CDK6: variants seen among roughly 807,000 people sequenced by gnomAD.
CDK6 encodes cyclin-dependent kinase 6.
CDK6 carries 6 observed loss-of-function variants against 37.1 expected under a neutral mutation model. That is an observed-to-expected ratio of 0.16 (90% confidence interval 0.09 to 0.32). The LOEUF is 0.32. CDK6 is among the 10% of genes least tolerant of loss of function. The pLI, the probability that CDK6 is intolerant of heterozygous loss-of-function variation, is 1.00. For missense variants in CDK6, 224 were observed against 418.9 expected, an observed-to-expected ratio of 0.53 and a Z score of 4.06; for synonymous variants, 160 against 161.3, an observed-to-expected ratio of 0.99 and a Z score of 0.06.
intron 4 of CDK6, among the ~76,000 whole-genome samples, chr7:92,701,513 C>T (rs1285140934): frequency 6.6e-6 from 1 of 151,858 alleles, no homozygotes; most frequent in Non-Finnish European, 1.5e-5. Context: ...TCAGGCCATT[C>T]TCCTGCCTCA....
intron 4 of CDK6, among the ~76,000 whole-genome samples, chr7:92,721,493 C>T (rs1396874655): frequency 6.6e-6 from 1 of 152,156 alleles, no homozygotes; most frequent in Non-Finnish European, 1.5e-5. Flanking sequence ...AACACTGTTA[C>T]CATCCACATC....
chr7:92,701,094 T>C lies in CDK6; in HGVS notation c.537+24532A>G, dbSNP rs573350229. On this transcript the variant is annotated intron_variant, in intron 4 of 7. Coordinates refer to ENST00000424848, the MANE Select transcript of CDK6 (RefSeq NM_001145306.2). ...CAGAACCTCTGGCCCCTTTAAGGCT[T>C]CTTTGGAAAATAGTGGGTACAGACT... Among the ~76,000 whole-genome samples the C allele has an allele frequency of 1.5e-3, 224 of 152,320 alleles. 1 individual carries two copies. Among genetic ancestry groups the C allele is most frequent in the African/African-American group, 4.9e-3 (204 of 41,572 alleles).
At chr7:92,719,074 G>C (rs1798304261) in intron 4 of CDK6, among the ~76,000 whole-genome samples, 1 of 152,174 alleles carries the variant, frequency 6.6e-6, no homozygotes, top group Non-Finnish European at 1.5e-5. Flanking sequence ...TCAACACTGA[G>C]GTCAGAGTAA....
rs1172842466 is a variant in CDK6 at position 92,605,281 on chromosome 7, T to C, written c.*9859A>G. On this transcript the variant is annotated 3_prime_UTR_variant, in exon 8 of 8. Transcript: ENST00000424848. ...AAGACATCCAGTTTCCAAAGGATTA[T>C]TGGTATGCAACCCTCTGAATTTTCT... 4.3e-6 allele frequency: 1 copy of C among 233,356 alleles called. No individual in the cohort carries two copies. The highest frequency in any genetic ancestry group is 8.5e-6 in the Non-Finnish European group (1 of 117,924). The allele number at this position is 233,356 out of a possible 1,614,324, so 14.5% of individuals were successfully genotyped here.
intron 5 of CDK6, among the ~76,000 whole-genome samples, chr7:92,625,920 A>G (rs1264551291): frequency 6.6e-6 from 1 of 152,098 alleles, no homozygotes; most frequent in Non-Finnish European, 1.5e-5. Context: ...ACCTGCAGCT[A>G]TGCTTTGACA....
At chr7:92,621,682 C>A (rs954240441) in intron 6 of CDK6, among the ~76,000 whole-genome samples, 1 of 152,124 alleles carries the variant, frequency 6.6e-6, no homozygotes, top group Non-Finnish European at 1.5e-5. Context: ...GGGAGTTCAT[C>A]GAGTGATTAA....
intron 5 of CDK6, among the ~76,000 whole-genome samples, chr7:92,640,885 C>T (rs567774688): frequency 5.9e-5 from 9 of 152,310 alleles, no homozygotes; most frequent in Admixed American, 1.3e-4. Context: ...ATGTGCATCA[C>T]AGCTTTCCTT....
At chr7:92,674,570 G>A (rs1257386720) in intron 4 of CDK6, among the ~76,000 whole-genome samples, 1 of 152,190 alleles carries the variant, frequency 6.6e-6, no homozygotes, top group African/African-American at 2.4e-5. Context: ...CTGGGGTCTA[G>A]TTTTAGTTAC....
chr7:92,770,556 T>A (rs1291124157), intron 3 of CDK6, among the ~76,000 whole-genome samples: 1 of 152,178 alleles, frequency 6.6e-6, no homozygotes, highest in Non-Finnish European at 1.5e-5. Flanking sequence ...TGTGGTTTAA[T>A]GTCTTTTTTA....
Position 92,614,261 on chromosome 7 carries a change from C to CT in CDK6, c.*878dup, listed in dbSNP as rs1438956342. 8.6e-6 allele frequency: 2 copies of CT among 232,588 alleles called. No individual in the cohort carries two copies. Among genetic ancestry groups the CT allele is most frequent in the African/African-American group, 2.2e-5 (1 of 45,250 alleles). 14.4% of individuals were successfully genotyped at this position (232,588 alleles called of 1,614,324 possible). A position where few individuals can be genotyped will look rare whatever the true frequency, so the allele number is the denominator to read the frequency against. ...AACCAGGAAATAAAGGCTTTCTATT[C>CT]TTTTTTTTAAAATCTATCTGAGGTA... On this transcript the variant is annotated 3_prime_UTR_variant, in exon 8 of 8. Coordinates refer to ENST00000424848, the MANE Select transcript of CDK6 (RefSeq NM_001145306.2).
intron 3 of CDK6, among the ~76,000 whole-genome samples, chr7:92,765,066 T>G (rs1799546974): frequency 6.6e-6 from 1 of 152,194 alleles, no homozygotes; most frequent in African/African-American, 2.4e-5. Context: ...AATAACTTAT[T>G]CCTTTGAAGC....
chr7:92,708,199 C>G (rs1351548071), intron 4 of CDK6, among the ~76,000 whole-genome samples: 2 of 152,238 alleles, frequency 1.3e-5, no homozygotes, highest in East Asian at 3.9e-4. Flanking sequence ...TCTGTGTTAC[C>G]ATTTTAGAGA....
intron 4 of CDK6, among the ~76,000 whole-genome samples, chr7:92,686,259 T>C (rs1329961994): frequency 1.3e-5 from 2 of 152,180 alleles, no homozygotes; most frequent in Non-Finnish European, 2.9e-5. Flanking sequence ...GTACCCAATG[T>C]GTAGTCTTTT....
At chr7:92,813,664 T>C (rs1486151809) in intron 2 of CDK6, among the ~76,000 whole-genome samples, 2 of 152,186 alleles carry the variant, frequency 1.3e-5, no homozygotes, top group East Asian at 3.8e-4. Context: ...CAGTTAAGAA[T>C]TACATTCACA....
At chr7:92,700,390 G>A (rs1377371438) in intron 4 of CDK6, among the ~76,000 whole-genome samples, 3 of 152,224 alleles carry the variant, frequency 2.0e-5, no homozygotes, top group African/African-American at 7.2e-5. Context: ...CTGGGAGGAA[G>A]ATGTATAAAA....
At chr7:92,625,537 A>AAACAAAAC (rs1562914718) in intron 5 of CDK6, among the ~76,000 whole-genome samples, 1 of 150,208 alleles carries the variant, frequency 6.7e-6, no homozygotes, top group African/African-American at 2.5e-5. Flanking sequence ...TTTTGCAAAA[A>AAACAAAAC]AAAACAAAAC....
At chr7:92,672,131 G>GCACATATATATATA in intron 4 of CDK6, among the ~76,000 whole-genome samples, 1 of 23,228 alleles carries the variant, frequency 4.3e-5, no homozygotes, top group African/African-American at 1.5e-4. Context: ...CCCAAAAGCT[G>GCACATATATATATA]TACATATATA....
chr7:92,797,051 A>T (rs970160685), intron 2 of CDK6, among the ~76,000 whole-genome samples: 1 of 152,180 alleles, frequency 6.6e-6, no homozygotes, highest in African/African-American at 2.4e-5. Flanking sequence ...TGTGATGACA[A>T]CTAAACGGTA....
chr7:92,648,745 G>T (rs899998143), intron 5 of CDK6, among the ~76,000 whole-genome samples: 2 of 152,156 alleles, frequency 1.3e-5, no homozygotes, highest in African/African-American at 4.8e-5. Flanking sequence ...TGTCAGAGAA[G>T]AACTACTGGG....
Sources: allele counts gnomAD v4.1 joint callset (sites outside exome capture counted in the v4.1 genomes callset), GRCh38; gene constraint gnomAD v4.1.1; transcripts MANE v1.5; gene names NCBI Gene and HGNC (gene_info 2026-07-23, HGNC 2026-07-21).